Variants in STARD10 observed in about 807,000 individuals in gnomAD.
The protein encoded by STARD10 is START domain-containing protein 10.
Under a neutral mutation model 36.0 loss-of-function variants are expected in STARD10, and 24 were observed. The ratio of observed to expected loss-of-function variants is 0.67; its 90% CI spans 0.48 to 0.94. STARD10 has a LOEUF of 0.94. Ranked by LOEUF, STARD10 falls within the 40% of genes least tolerant of loss-of-function variation. The pLI is 0.00. For missense variants in STARD10, 335 were observed against 396.6 expected, an observed-to-expected ratio of 0.84 and a Z score of 1.32; for synonymous variants, 156 against 161.9, an observed-to-expected ratio of 0.96 and a Z score of 0.28.
chr11:72,778,206 G>A (rs760400130), intron 2 of STARD10, among the ~76,000 whole-genome samples: 30 of 152,244 alleles, frequency 2.0e-4, no homozygotes, highest in Non-Finnish European at 3.8e-4. Flanking sequence ...ATGTGGAGAG[G>A]GGCAGGGGCT....
In STARD10 at chr11:72,755,106, G is replaced by A; in HGVS notation, c.667C>T (p.Pro223Ser). The change falls in exon 7 of 7, where the codon CCC becomes TCC. Residue 223 changes from proline (P) to serine (S), a missense_variant. By Grantham distance (74) the Pro-to-Ser change is moderately conservative. Coordinates refer to ENST00000334805, the MANE Select transcript of STARD10 (RefSeq NM_006645.3). ...GGCAGGTGCTTCTGTTTCCACTCGG[G>A]GTACTTGAGGCACGCCTTGTACATC... The part of the protein sequence containing the change: ...KKMYKACLKY[P>S]EWKQKHLPHF... 1 of 1,613,476 alleles carries A rather than the reference G, an allele frequency of 6.2e-7. No individual in the cohort carries two copies. Among genetic ancestry groups the A allele is most frequent in the Non-Finnish European group, 8.5e-7 (1 of 1,179,806 alleles).
intron 2 of STARD10, among the ~76,000 whole-genome samples, chr11:72,760,240 T>C (rs1858698558): frequency 6.6e-6 from 1 of 151,586 alleles, no homozygotes; most frequent in South Asian, 2.1e-4. Context: ...TTCATTCATT[T>C]ATTGAGACGG....
intron 1 of STARD10, among the ~76,000 whole-genome samples, chr11:72,787,073 G>C (rs983414514): frequency 1.1e-4 from 14 of 123,182 alleles, no homozygotes; most frequent in Non-Finnish European, 1.9e-4. Context: ...GACAGAGAGA[G>C]ACCCTGTGTC....
intron 6 of STARD10, 164 bp from the exon 7 acceptor site, chr11:72,755,306 C>CTTT (rs542293512): frequency 0.014 from 4,909 of 352,674 alleles, 22 homozygotes; most frequent in South Asian, 0.029. Context: ...ATTCTCCATT[C>CTTT]TTTTTTTTTT....
intron 5 of STARD10, among the ~76,000 whole-genome samples, chr11:72,757,353 C>T (rs987137390): frequency 3.3e-5 from 5 of 152,106 alleles, no homozygotes; most frequent in African/African-American, 1.2e-4. Flanking sequence ...TCCAGGTGGC[C>T]GATGGCCACA....
At chr11:72,767,854 T>A (rs1217755563) in intron 2 of STARD10, among the ~76,000 whole-genome samples, 1 of 152,164 alleles carries the variant, frequency 6.6e-6, no homozygotes, top group Non-Finnish European at 1.5e-5. Flanking sequence ...GCAGAGATAA[T>A]CCTCTCCTCA....
rs1367070241 is a variant in STARD10, at chr11:72,754,888, G to A, written c.*9C>T. The stretch of plus-strand genomic sequence containing the variant: ...CGGTCCTGTCTCCGTCCCTGAAGCG[G>A]TGCGGCGCTCAGGTGAGCGAGGTGT... On this transcript the variant is annotated 3_prime_UTR_variant, in exon 7 of 7. Coordinates refer to ENST00000334805, the MANE Select transcript of STARD10 (RefSeq NM_006645.3). The A allele has an allele frequency of 2.5e-6, 4 of 1,595,290 alleles. No homozygotes were observed. The highest frequency in any genetic ancestry group is 2.7e-5 in the African/African-American group (2 of 74,758).
intron 2 of STARD10, among the ~76,000 whole-genome samples, chr11:72,771,720 A>G (rs1858860666): frequency 6.6e-6 from 1 of 152,078 alleles, no homozygotes; most frequent in South Asian, 2.1e-4. Flanking sequence ...TCCAGGCTCC[A>G]GAGCAGCAGG....
intron 2 of STARD10, among the ~76,000 whole-genome samples, chr11:72,773,037 C>G (rs1166635997): frequency 6.6e-6 from 1 of 152,190 alleles, no homozygotes; most frequent in Non-Finnish European, 1.5e-5. Flanking sequence ...TCTGATATCT[C>G]CAGGTGGCTG....
intron 1 of STARD10, chr11:72,782,119 C>T (rs1859011146): frequency 6.6e-6 from 1 of 152,392 alleles, no homozygotes; most frequent in Admixed American, 6.5e-5. Context: ...TCCACCACCT[C>T]CCATACTCAC....
At chr11:72,784,198 C>T (rs774961017) in intron 1 of STARD10, among the ~76,000 whole-genome samples, 4 of 152,144 alleles carry the variant, frequency 2.6e-5, no homozygotes, top group African/African-American at 4.8e-5. Context: ...CCTAAGCAGC[C>T]GAGAAGGGCC....
chr11:72,755,306 CTT>C (rs542293512), intron 6 of STARD10, 164 bp from the exon 7 acceptor site: 15,502 of 345,936 alleles, frequency 0.045, no homozygotes, highest in East Asian at 0.073. Flanking sequence ...ATTCTCCATT[CTT>C]TTTTTTTTTT....
At chr11:72,765,694 G>A (rs1591265566) in intron 2 of STARD10, among the ~76,000 whole-genome samples, 1 of 152,122 alleles carries the variant, frequency 6.6e-6, no homozygotes. Flanking sequence ...AAATAGGCCG[G>A]GCACAGTGGC....
intron 2 of STARD10, among the ~76,000 whole-genome samples, chr11:72,778,855 G>C (rs1199173942): frequency 6.6e-6 from 1 of 152,238 alleles, no homozygotes; most frequent in East Asian, 1.9e-4. Context: ...CAGTCTGAAA[G>C]AAAAGGAGGG....
intron 2 of STARD10, chr11:72,780,744 T>A (rs1591270487): frequency 1.2e-5 from 7 of 573,990 alleles, no homozygotes; most frequent in Non-Finnish European, 2.2e-5. Flanking sequence ...GAAGCCTGGG[T>A]TCCAGCTGAG....
intron 2 of STARD10, among the ~76,000 whole-genome samples, chr11:72,761,262 G>A (rs984788734): frequency 1.3e-5 from 2 of 152,044 alleles, no homozygotes; most frequent in African/African-American, 2.4e-5. Context: ...ACTGGTCAAC[G>A]TAAACAAAGG....
At chr11:72,775,646 T>C (rs1277835547) in intron 2 of STARD10, among the ~76,000 whole-genome samples, 1 of 152,146 alleles carries the variant, frequency 6.6e-6, no homozygotes, top group Non-Finnish European at 1.5e-5. Flanking sequence ...ATGCCCTCTC[T>C]GGATTTCCAG....
At chr11:72,784,501 G>A (rs924730349) in intron 1 of STARD10, among the ~76,000 whole-genome samples, 8 of 152,346 alleles carry the variant, frequency 5.3e-5, no homozygotes, top group Middle Eastern at 3.4e-3. Flanking sequence ...ACTGGTGGGG[G>A]TGACTGGGGC....
chr11:72,773,305 C>G (rs1858887893), intron 2 of STARD10, among the ~76,000 whole-genome samples: 1 of 152,196 alleles, frequency 6.6e-6, no homozygotes, highest in African/African-American at 2.4e-5. Context: ...TGGTACCTCC[C>G]TCTATCCCCT....
Sources: allele counts gnomAD v4.1 joint callset (sites outside exome capture counted in the v4.1 genomes callset), GRCh38; gene constraint gnomAD v4.1.1; transcripts MANE v1.5; gene names NCBI Gene and HGNC (gene_info 2026-07-23, HGNC 2026-07-21).